SOX6: variants seen among roughly 807,000 people sequenced by gnomAD.
The protein encoded by SOX6 is transcription factor SOX-6.
Under a neutral mutation model 97.8 loss-of-function variants are expected in SOX6, and 11 were observed. The observed-to-expected ratio is 0.11, with a 90% CI of 0.07 to 0.19. The LOEUF (loss-of-function observed/expected upper bound fraction) is 0.19, where lower values mean the gene tolerates loss of function less well. Ranked by LOEUF, SOX6 falls within the 10% of genes least tolerant of loss-of-function variation. SOX6 has a pLI of 1.00. For synonymous variants in SOX6, 360 were observed against 371.4 expected, an observed-to-expected ratio of 0.97 and a Z score of 0.35; for missense variants, 810 against 1,039.5, an observed-to-expected ratio of 0.78 and a Z score of 3.04.
At chr11:16,107,847 T>C (rs1849134139) in intron 7 of SOX6, among the ~76,000 whole-genome samples, 1 of 152,088 alleles carries the variant, frequency 6.6e-6, no homozygotes, top group Non-Finnish European at 1.5e-5. Flanking sequence ...ACTTGTAAAA[T>C]TGTTTTTGGT....
At chr11:16,181,115 GACAGCATTCTAA>G (rs1851335628) in intron 6 of SOX6, among the ~76,000 whole-genome samples, 2 of 151,422 alleles carry the variant, frequency 1.3e-5, no homozygotes, top group African/African-American at 2.4e-5. Flanking sequence ...TATTTCAGAA[GACAGCATTCTAA>G]ACTAGAGGAA....
At chr11:16,001,776 C>T (rs1854414581) in intron 13 of SOX6, among the ~76,000 whole-genome samples, 1 of 152,170 alleles carries the variant, frequency 6.6e-6, no homozygotes, top group Non-Finnish European at 1.5e-5. Flanking sequence ...GGGATGAAAA[C>T]AATGCTAAAT....
At chr11:16,455,076 T>A (rs1004093060) in intron 1 of SOX6, among the ~76,000 whole-genome samples, 3 of 152,078 alleles carry the variant, frequency 2.0e-5, no homozygotes, top group African/African-American at 4.8e-5. Flanking sequence ...CATGTGGACA[T>A]AATTTCCCAC....
chr11:16,069,082 G>A (rs1027493560), intron 9 of SOX6, among the ~76,000 whole-genome samples: 34 of 152,150 alleles, frequency 2.2e-4, no homozygotes, highest in Admixed American at 1.3e-4. Flanking sequence ...CTCCAGAGAT[G>A]GAGGTCATCT....
chr11:16,482,441 C>T (rs964478421), intron 4 of SOX6, among the ~76,000 whole-genome samples: 1 of 152,168 alleles, frequency 6.6e-6, no homozygotes, highest in Non-Finnish European at 1.5e-5. Flanking sequence ...ACCACCCTAT[C>T]TTATCAGAAA....
At chr11:16,551,758 C>G (rs1337644660) in intron 4 of SOX6, among the ~76,000 whole-genome samples, 1 of 152,006 alleles carries the variant, frequency 6.6e-6, no homozygotes, top group African/African-American at 2.4e-5. Flanking sequence ...CATGTGCCAC[C>G]ATGCCCAGCT....
chr11:16,257,537 G>T (rs922838201), intron 3 of SOX6, among the ~76,000 whole-genome samples: 1 of 151,830 alleles, frequency 6.6e-6, no homozygotes, highest in African/African-American at 2.4e-5. Context: ...TATATCTTAT[G>T]CTCTTCACAA....
chr11:16,609,752 C>G (rs1255943207), intron 4 of SOX6, among the ~76,000 whole-genome samples: 1 of 152,210 alleles, frequency 6.6e-6, no homozygotes. Context: ...CTCCTAGGAT[C>G]TGTGGGGCAG....
At position 16,642,556 on chromosome 11, in the gene SOX6, C is replaced by A. The variant is rs564956532; in HGVS notation, n.430-30296G>T. ...CCCCGTCACTTTCAGGTACACCAAT[C>A]AGACGTAGATTTGGTCTTTTCACAT... On this transcript the variant is annotated intron_variant and non_coding_transcript_variant, in intron 3 of 5. Transcript: ENST00000524520. Among the ~76,000 whole-genome samples, 4 of 152,330 alleles carry A rather than the reference C, an allele frequency of 2.6e-5. No individual in the cohort carries two copies. In the South Asian group the frequency reaches 8.3e-4, roughly 32 times the overall value.
chr11:16,009,161 T>C (rs777191952), intron 13 of SOX6, among the ~76,000 whole-genome samples: 15 of 152,076 alleles, frequency 9.9e-5, no homozygotes, highest in Non-Finnish European at 1.9e-4. Flanking sequence ...TTGGATACCT[T>C]CTTGGGCAAA....
intron 4 of SOX6, among the ~76,000 whole-genome samples, chr11:16,553,102 A>G (rs1448844436): frequency 6.6e-6 from 1 of 152,216 alleles, no homozygotes; most frequent in Non-Finnish European, 1.5e-5. Flanking sequence ...ATCATCTAAA[A>G]CATTTTCTTT....
intron 1 of SOX6, among the ~76,000 whole-genome samples, chr11:16,413,590 G>A (rs934436193): frequency 7.1e-6 from 1 of 140,760 alleles, no homozygotes; most frequent in Non-Finnish European, 1.5e-5. Context: ...GCGTGATCTC[G>A]GCTCACTGCA....
rs895100734 is a variant in SOX6 at position 16,610,847 on chromosome 11, T to C, written n.609+1234A>G. The stretch of plus-strand genomic sequence containing the variant: ...TAAAGTGCTGGGCTCTCCACCTACC[T>C]GGTGCGCACCGGCCTGCGGGCTCGG... On this transcript the variant is annotated intron_variant and non_coding_transcript_variant, in intron 4 of 5. Transcript: ENST00000524520. The surrounding 1 kb of genome is among the most constrained non-coding windows in gnomAD (Gnocchi z 4.4). 2.0e-5 allele frequency among the ~76,000 whole-genome samples: 3 copies of C among 152,186 alleles called. No individual in the cohort carries two copies. Among genetic ancestry groups the C allele is most frequent in the Non-Finnish European group, 4.4e-5 (3 of 68,024 alleles).
chr11:16,529,924 G>A (rs1055523068), intron 4 of SOX6, among the ~76,000 whole-genome samples: 3 of 152,002 alleles, frequency 2.0e-5, no homozygotes, highest in Non-Finnish European at 1.5e-5. Context: ...TTGCTTATAT[G>A]TGTGGGTGGA....
chr11:16,059,039 C>T (rs1222597519), intron 9 of SOX6, among the ~76,000 whole-genome samples: 1 of 152,058 alleles, frequency 6.6e-6, no homozygotes, highest in East Asian at 1.9e-4. Flanking sequence ...CCCAACTGGG[C>T]TTGATTCTTT....
At chr11:16,157,911 G>A (rs1850644145) in intron 6 of SOX6, among the ~76,000 whole-genome samples, 1 of 151,852 alleles carries the variant, frequency 6.6e-6, no homozygotes, top group Non-Finnish European at 1.5e-5. Flanking sequence ...CTTTGAGCAA[G>A]CCTCCCTTAC....
At chr11:16,541,625 A>T (rs1309751002) in intron 4 of SOX6, among the ~76,000 whole-genome samples, 1 of 152,022 alleles carries the variant, frequency 6.6e-6, no homozygotes, top group Non-Finnish European at 1.5e-5. Context: ...TACAAGAAAA[A>T]AAACAACCCT....
chr11:16,122,716 G>A (rs1294154890), intron 6 of SOX6, among the ~76,000 whole-genome samples: 1 of 152,006 alleles, frequency 6.6e-6, no homozygotes, highest in Non-Finnish European at 1.5e-5. Context: ...GTAACTTAAA[G>A]GCAAGGACTT....
intron 3 of SOX6, among the ~76,000 whole-genome samples, chr11:16,288,697 A>G (rs1470674050): frequency 6.6e-6 from 1 of 152,022 alleles, no homozygotes; most frequent in Non-Finnish European, 1.5e-5. Flanking sequence ...GTGAAGTTTC[A>G]TAACAGTTCA....
Sources: gnomAD v4.1 joint callset for allele counts (sites outside exome capture counted in the v4.1 genomes callset) on GRCh38, gnomAD v4.1.1 for gene constraint, Gnocchi (gnomAD v3.1) non-coding constraint, MANE v1.5 for transcripts, NCBI Gene and HGNC (gene_info 2026-07-23, HGNC 2026-07-21) for gene names.